The following CLSTN2 variants were observed in gnomAD, a reference collection of about 807,000 sequenced individuals.
CLSTN2 encodes calsyntenin-2.
A neutral mutation model predicts 101.2 loss-of-function variants in CLSTN2; 48 were observed. That is an observed-to-expected ratio of 0.47 (90% CI 0.38 to 0.60). The LOEUF is 0.60. Ranked by LOEUF, CLSTN2 falls within the 20% of genes least tolerant of loss-of-function variation. The probability of loss-of-function intolerance (pLI) is 0.00; values close to 1 mark genes in which losing one functional copy is unlikely to be tolerated. For missense variants in CLSTN2, 1,160 were observed against 1,238.2 expected, an observed-to-expected ratio of 0.94 and a Z score of 0.95; for synonymous variants, 481 against 463.6, an observed-to-expected ratio of 1.04 and a Z score of -0.48.
intron 1 of CLSTN2, among the ~76,000 whole-genome samples, chr3:140,071,832 AAAAT>A (rs142873442): frequency 0.24 from 36,157 of 149,758 alleles, 4,788 homozygotes; most frequent in East Asian, 0.44. Flanking sequence ...CTCCGTCTAA[AAAAT>A]AAATAAATAA....
chr3:140,196,166 A>G (rs966717792), intron 2 of CLSTN2, among the ~76,000 whole-genome samples: 3 of 152,212 alleles, frequency 2.0e-5, no homozygotes, highest in African/African-American at 4.8e-5. Context: ...AACAGCTGAA[A>G]GAGAAAAAAC....
Position 140,421,231 on chromosome 3 carries a change from G to C in CLSTN2, c.744G>C (p.Leu248=), listed in dbSNP as rs771705476. Residue 248 remains leucine (L), a synonymous_variant, in exon 5 of 17, where the codon CTG becomes CTC. Transcript: ENST00000458420. ...AGAAGCCCGCTGCTCAGGACACCCTGGTGCAGGTGGATGTGAAGCCAGTTT... is the reference window on the plus strand; with the variant it reads ...AGAAGCCCGCTGCTCAGGACACCCTCGTGCAGGTGGATGTGAAGCCAGTTT... ...CGQKPAAQDT[L]VQVDVKPVCK... 8 of 1,614,054 alleles carry C rather than the reference G, an allele frequency of 5.0e-6. No homozygotes were observed. The African/African-American group carries it at 1.1e-4, about 22-fold the overall frequency.
At chr3:140,345,218 G>T (rs2087533484) in intron 2 of CLSTN2, among the ~76,000 whole-genome samples, 1 of 151,578 alleles carries the variant, frequency 6.6e-6, no homozygotes, top group Admixed American at 6.6e-5. Context: ...CAAGATCCAA[G>T]ACAGGGTGGC....
chr3:140,303,293 G>T (rs1320349657), intron 2 of CLSTN2, among the ~76,000 whole-genome samples: 1 of 152,170 alleles, frequency 6.6e-6, no homozygotes, highest in African/African-American at 2.4e-5. Flanking sequence ...TCTCATTCAG[G>T]GACATGCATC....
chr3:139,946,510 G>T (rs1479801949), intron 1 of CLSTN2, among the ~76,000 whole-genome samples: 1 of 152,162 alleles, frequency 6.6e-6, no homozygotes, highest in Non-Finnish European at 1.5e-5. Flanking sequence ...TGGAGGCTCA[G>T]GTCAGACTGC....
At chr3:140,243,400 G>A (rs2086488181) in intron 2 of CLSTN2, among the ~76,000 whole-genome samples, 2 of 152,224 alleles carry the variant, frequency 1.3e-5, no homozygotes, top group African/African-American at 2.4e-5. Context: ...TTATAAAGGG[G>A]TCTTGGTGTC....
chr3:140,418,743 C>T (rs1290903717), intron 4 of CLSTN2, among the ~76,000 whole-genome samples: 2 of 152,022 alleles, frequency 1.3e-5, no homozygotes, highest in Non-Finnish European at 2.9e-5. Flanking sequence ...GTCTCGAACT[C>T]CCGACTTTGT....
intron 2 of CLSTN2, among the ~76,000 whole-genome samples, chr3:140,232,024 G>C (rs1371721989): frequency 1.3e-5 from 2 of 152,204 alleles, no homozygotes; most frequent in Non-Finnish European, 2.9e-5. Context: ...TTGGGTCAGT[G>C]TGAGGATTCA....
Position 139,968,130 on chromosome 3 carries a change from T to C in CLSTN2, c.109+32647T>C, listed in dbSNP as rs549954685. ...CTCCTTTTGGACGGCCTATATACCC[T>C]GTTGAACACATAAAGTGTCCTTCTA... On this transcript the variant is annotated intron_variant, in intron 1 of 16. Transcript: ENST00000458420. Among the ~76,000 whole-genome samples the C allele has an allele frequency of 2.6e-4, 39 of 152,320 alleles. 1 individual carries two copies. In the South Asian group the frequency reaches 8.1e-3, roughly 32 times the overall value.
At chr3:139,998,753 TCTTC>T (rs975578626) in intron 1 of CLSTN2, among the ~76,000 whole-genome samples, 3 of 152,058 alleles carry the variant, frequency 2.0e-5, no homozygotes, top group African/African-American at 7.2e-5. Flanking sequence ...ACATTGAAGA[TCTTC>T]CTTCCAGCTT....
chr3:140,547,357 C>T (rs1228427550), intron 10 of CLSTN2, among the ~76,000 whole-genome samples: 1 of 151,960 alleles, frequency 6.6e-6, no homozygotes, highest in African/African-American at 2.4e-5. Flanking sequence ...ACCTGTAATC[C>T]CAGCTACTCA....
At chr3:140,091,169 G>T (rs2107785646) in intron 1 of CLSTN2, among the ~76,000 whole-genome samples, 1 of 152,248 alleles carries the variant, frequency 6.6e-6, no homozygotes, top group South Asian at 2.1e-4. Context: ...GCACAAACAT[G>T]GAGACTGGTG....
chr3:140,237,475 T>C (rs1015913635), intron 2 of CLSTN2, among the ~76,000 whole-genome samples: 1 of 152,102 alleles, frequency 6.6e-6, no homozygotes, highest in Admixed American at 6.6e-5. Flanking sequence ...GAGATCTCCA[T>C]GGTTGTCTCG....
rs1214691779 is a variant in CLSTN2, at chr3:140,459,764, A to ACTCAGAC, written c.1217_1218insCTCAGAC (p.Lys406AsnfsTer32). On this transcript the variant is annotated frameshift_variant, in exon 7 of 17. Coordinates refer to ENST00000458420, the MANE Select transcript of CLSTN2 (RefSeq NM_022131.3). LOFTEE classifies it high-confidence loss of function. ...GAAACCATCCTCTGCAACTCAGACA[A>ACTCAGAC]AACCGGTGAGTCTCTAGCCCAGCCC... is the stretch of plus-strand genomic sequence containing the variant. The ACTCAGAC allele has an allele frequency of 6.2e-7, 1 of 1,612,412 alleles. No homozygotes were observed. The highest frequency in any genetic ancestry group is 8.5e-7 in the Non-Finnish European group (1 of 1,179,500).
At chr3:139,950,560 T>C (rs753391563) in intron 1 of CLSTN2, among the ~76,000 whole-genome samples, 1 of 152,180 alleles carries the variant, frequency 6.6e-6, no homozygotes, top group Non-Finnish European at 1.5e-5. Context: ...TTACTAAAGT[T>C]TCAGGATGGA....
chr3:140,382,644 C>G (rs1009402058), intron 2 of CLSTN2, among the ~76,000 whole-genome samples: 2 of 152,148 alleles, frequency 1.3e-5, no homozygotes, highest in Admixed American at 1.3e-4. Context: ...TAATAAAACA[C>G]CACACACTGG....
At chr3:140,071,314 G>T (rs537686562) in intron 1 of CLSTN2, among the ~76,000 whole-genome samples, 15 of 151,986 alleles carry the variant, frequency 9.9e-5, no homozygotes, top group South Asian at 2.1e-4. Context: ...TCACAAAAAG[G>T]TTACAGAAAA....
intron 2 of CLSTN2, among the ~76,000 whole-genome samples, chr3:140,197,156 C>T (rs1365660975): frequency 6.6e-6 from 1 of 152,182 alleles, no homozygotes; most frequent in Non-Finnish European, 1.5e-5. Context: ...GAGAAGGCCA[C>T]AGTCTCAGCT....
At chr3:140,441,722 G>A (rs541428618) in intron 5 of CLSTN2, among the ~76,000 whole-genome samples, 83 of 151,096 alleles carry the variant, frequency 5.5e-4, no homozygotes, top group African/African-American at 1.7e-3. Flanking sequence ...GAGAGAAGGC[G>A]AATCTCAGAA....
Sources: allele counts gnomAD v4.1 joint callset (sites outside exome capture counted in the v4.1 genomes callset), GRCh38; gene constraint gnomAD v4.1.1; transcripts MANE v1.5; gene names NCBI Gene and HGNC (gene_info 2026-07-23, HGNC 2026-07-21).